Variants in SLC6A13 observed in about 807,000 individuals in gnomAD.
The protein encoded by SLC6A13 is solute carrier family 6 member 13.
A neutral mutation model predicts 72.9 loss-of-function variants in SLC6A13; 69 were observed. That is an observed-to-expected ratio of 0.95 (90% CI 0.78 to 1.16). SLC6A13 has a LOEUF of 1.16. SLC6A13 is among the 50% of genes most tolerant of loss of function. The pLI is 0.00. For missense variants in SLC6A13, 735 were observed against 760.5 expected (o/e 0.97, Z 0.39); for synonymous variants, 303 against 303.0 (o/e 1.00, Z 0.00).
chr12:234,173 C>T (rs999951354), intron 7 of SLC6A13, among the ~76,000 whole-genome samples: 6 of 152,172 alleles, frequency 3.9e-5, no homozygotes, highest in African/African-American at 9.7e-5. Flanking sequence ...AGGGCATAAC[C>T]GGGTAACCAC....
At chr12:260,444 G>A (rs530558083) in intron 1 of SLC6A13, among the ~76,000 whole-genome samples, 9 of 152,264 alleles carry the variant, frequency 5.9e-5, no homozygotes, top group African/African-American at 1.4e-4. Context: ...TCTGTATGCT[G>A]GGACACGTTG....
intron 2 of SLC6A13, among the ~76,000 whole-genome samples, chr12:255,552 C>T (rs1019542467): frequency 2.6e-5 from 4 of 152,170 alleles, no homozygotes; most frequent in South Asian, 2.1e-4. Flanking sequence ...AGAAATTGGC[C>T]GCGCGTGTTG....
At chr12:249,323 T>G (rs1421466971) in intron 2 of SLC6A13, among the ~76,000 whole-genome samples, 3 of 151,884 alleles carry the variant, frequency 2.0e-5, no homozygotes, top group Non-Finnish European at 2.9e-5. Context: ...TGGAAATCAA[T>G]AAAATGGAAA....
Position 254,278 on chromosome 12 carries a change from G to A in SLC6A13, c.202+5573C>T, listed in dbSNP as rs1054446906. On this transcript the variant is annotated intron_variant, in intron 2 of 14. Coordinates refer to ENST00000343164, the MANE Select transcript of SLC6A13 (RefSeq NM_016615.5). The surrounding 1 kb of genome is among the most constrained non-coding windows in gnomAD (Gnocchi z 4.4). Reference sequence around the variant, plus strand: ...CGCAGGACTCACATGGCCCCCTTCCGCCCAGAAGGGAAATACACAAGGAAG... The same window carrying A: ...CGCAGGACTCACATGGCCCCCTTCCACCCAGAAGGGAAATACACAAGGAAG... 4.6e-5 allele frequency among the ~76,000 whole-genome samples: 7 copies of A among 152,154 alleles called. No individual in the cohort carries two copies. Among genetic ancestry groups the A allele is most frequent in the African/African-American group, 9.7e-5 (4 of 41,434 alleles).
At chr12:222,859 C>T (rs878891128) in intron 12 of SLC6A13, among the ~76,000 whole-genome samples, 8 of 152,078 alleles carry the variant, frequency 5.3e-5, no homozygotes, top group East Asian at 1.9e-4. Flanking sequence ...TCCTGATTAT[C>T]GAGGTTGTCA....
chr12:262,096 T>TC (rs1942945582), intron 1 of SLC6A13, among the ~76,000 whole-genome samples: 1 of 152,104 alleles, frequency 6.6e-6, no homozygotes, highest in Admixed American at 6.5e-5. Context: ...TGGCCTCCCC[T>TC]CCCTTTACCA....
intron 2 of SLC6A13, chr12:257,349 G>A: frequency 6.6e-6 from 1 of 152,536 alleles, no homozygotes. Context: ...CTGGGCCCCT[G>A]CCTGCAGCTC....
chr12:244,344 C>T (rs1408689222), intron 2 of SLC6A13, among the ~76,000 whole-genome samples: 1 of 152,204 alleles, frequency 6.6e-6, no homozygotes, highest in South Asian at 2.1e-4. Flanking sequence ...CATGAGGGCT[C>T]TGCCCTCATG....
chr12:236,626 A>G (rs1941940629), intron 6 of SLC6A13, among the ~76,000 whole-genome samples: 1 of 152,210 alleles, frequency 6.6e-6, no homozygotes, highest in Non-Finnish European at 1.5e-5. Flanking sequence ...CGTTCATGGC[A>G]AGGATTGTCA....
Position 254,118 on chromosome 12 carries a change from C to T in SLC6A13, c.202+5733G>A, listed in dbSNP as rs1397038601. ...AACTGGGCAGGCCCTAGTAGAAAAT[C>T]GTATTTGCTTTCCCTCCTGGCAGCT... On this transcript the variant is annotated intron_variant, in intron 2 of 14. Coordinates refer to ENST00000343164, the MANE Select transcript of SLC6A13 (RefSeq NM_016615.5). This position sits in a 1 kb window ranked among gnomAD's most constrained non-coding sequence, Gnocchi z 4.4. 2.6e-5 allele frequency among the ~76,000 whole-genome samples: 4 copies of T among 152,180 alleles called. No homozygotes were observed. Among genetic ancestry groups the T allele is most frequent in the South Asian group, 2.1e-4 (1 of 4,828 alleles).
intron 4 of SLC6A13, among the ~76,000 whole-genome samples, chr12:240,041 C>T (rs752261920): frequency 1.2e-4 from 19 of 152,116 alleles, no homozygotes; most frequent in Middle Eastern, 6.8e-3. Flanking sequence ...AGCTCTAGGC[C>T]ACCAAAAATT....
Position 221,481 on chromosome 12 carries a change from C to T in SLC6A13, c.1581G>A (p.Pro527=), listed in dbSNP as rs1348470501. ...GCCAGCCCAGGGCATCGCCCCACCA[C>T]GGGTACGTGTACTTCTTGTTGTAGG... ...PLTYNKKYTY[P]WWGDALGWLL... is the part of the protein sequence containing the mutation. Residue 527 remains proline, a synonymous_variant, in exon 14 of 15, where the codon CCG becomes CCA. Transcript: ENST00000343164. The T allele has an allele frequency of 2.0e-5, 33 of 1,613,378 alleles. No homozygotes were observed. Among genetic ancestry groups the T allele is most frequent in the African/African-American group, 1.7e-4 (13 of 74,792 alleles).
intron 13 of SLC6A13, among the ~76,000 whole-genome samples, chr12:221,965 A>AAGGCCAAAGG (rs1941231210): frequency 6.6e-6 from 1 of 152,334 alleles, no homozygotes; most frequent in African/African-American, 2.4e-5. Context: ...ACAAAGAGAC[A>AAGGCCAAAGG]AGGCCAAAGG....
In SLC6A13 at chr12:235,092, G is replaced by C. The variant is rs1236167026; in HGVS notation, c.829C>G (p.Gln277Glu). The change falls in exon 7 of 15, where the codon CAG (glutamine) becomes GAG (glutamate). Residue 277 changes from glutamine to glutamate, a missense_variant and splice_region_variant. Transcript: ENST00000343164. Reference protein sequence around the residue: ...YPNLTRLWDPQVWMDAGTQIF... With the variant: ...YPNLTRLWDPEVWMDAGTQIF... ...GGCTCCTGTCTGTGGCTTCTTACCT[G>C]GGGATCCCACAGACGCGTGAGGTTT... 6.8e-6 allele frequency: 11 copies of C among 1,614,084 alleles called. No individual in the cohort carries two copies. The highest frequency in any genetic ancestry group is 8.5e-6 in the Non-Finnish European group (10 of 1,180,022).
At position 220,944 on chromosome 12, in the gene SLC6A13, C is replaced by A. The variant is rs757745834; in HGVS notation, c.*4G>T. On this transcript the variant is annotated 3_prime_UTR_variant, in exon 15 of 15. Transcript: ENST00000343164. ...CACACAGGCACCATCCAAGGGCCTG[C>A]CCCCTAGCAGTGAGACTCTAGCTCT... is the stretch of plus-strand genomic sequence containing the variant. The A allele has an allele frequency of 9.3e-6, 15 of 1,611,872 alleles. No individual in the cohort carries two copies. Among genetic ancestry groups the A allele is most frequent in the Non-Finnish European group, 1.3e-5 (15 of 1,179,832 alleles).
At chr12:232,595 G>C (rs1941755247) in intron 7 of SLC6A13, among the ~76,000 whole-genome samples, 1 of 152,202 alleles carries the variant, frequency 6.6e-6, no homozygotes, top group Non-Finnish European at 1.5e-5. Flanking sequence ...AATCCTTCTA[G>C]GACCCTGGTT....
chr12:249,426 T>C (rs1942464297), intron 2 of SLC6A13, among the ~76,000 whole-genome samples: 2 of 152,080 alleles, frequency 1.3e-5, no homozygotes, highest in Non-Finnish European at 2.9e-5. Flanking sequence ...ATTATCAGCA[T>C]GACAAATGAG....
At position 259,715 on chromosome 12, in the gene SLC6A13, T is replaced by C. The variant is rs996453391; in HGVS notation, c.202+136A>G. On this transcript the variant is annotated intron_variant, in intron 2 of 14. Transcript: ENST00000343164. The stretch of plus-strand genomic sequence containing the variant: ...GGTCTTAGTCTCTTACAGAGTGTCC[T>C]TAATGACCTCTAAGCGTCCTCCTAC... 4.4e-6 allele frequency: 7 copies of C among 1,575,510 alleles called. No homozygotes were observed. In the African/African-American group the frequency reaches 6.8e-5, roughly 15 times the overall value.
At chr12:237,573 G>A (rs767694365) in intron 5 of SLC6A13, among the ~76,000 whole-genome samples, 13 of 152,056 alleles carry the variant, frequency 8.5e-5, no homozygotes, top group Non-Finnish European at 1.5e-4. Flanking sequence ...TTTGACAGCA[G>A]GACTCTTGCC....
Sources: allele counts gnomAD v4.1 joint callset (sites outside exome capture counted in the v4.1 genomes callset), GRCh38; gene constraint gnomAD v4.1.1; non-coding constraint Gnocchi (gnomAD v3.1); transcripts MANE v1.5; gene names NCBI Gene and HGNC (gene_info 2026-07-23, HGNC 2026-07-21).